The following CFAP54 variants were observed in gnomAD, a reference collection of about 807,000 sequenced individuals.
CFAP54 encodes the protein cilia- and flagella-associated protein 54.
Under a neutral mutation model 370.4 loss-of-function variants are expected in CFAP54, and 290 were observed. The ratio of observed to expected loss-of-function variants is 0.78; its 90% confidence interval spans 0.71 to 0.86. CFAP54 has a LOEUF of 0.86. Among genes scored for constraint, CFAP54 ranks in the 40% least tolerant of loss-of-function variants. The pLI is 0.00. For synonymous variants in CFAP54, 1,206 were observed against 1,236.5 expected, an observed-to-expected ratio of 0.98 and a Z score of 0.52; for missense variants, 3,399 against 3,528.7, an observed-to-expected ratio of 0.96 and a Z score of 0.93.
intron 28 of CFAP54, among the ~76,000 whole-genome samples, chr12:96,624,231 T>C (rs1277945695): frequency 2.0e-5 from 3 of 152,190 alleles, no homozygotes; most frequent in African/African-American, 7.2e-5. Flanking sequence ...TGTATGATAT[T>C]GAGTAGCATC....
At chr12:96,716,783 T>C (rs1309239163) in intron 48 of CFAP54, among the ~76,000 whole-genome samples, 1 of 152,218 alleles carries the variant, frequency 6.6e-6, no homozygotes, top group Non-Finnish European at 1.5e-5. Flanking sequence ...GGAATTCTTA[T>C]GTAATTGGAT....
In CFAP54 at chr12:96,685,234, G is replaced by T. The variant is rs767382826; in HGVS notation, c.6010G>T (p.Ala2004Ser). 1.9e-6 allele frequency: 3 copies of T among 1,613,656 alleles called. No homozygotes were observed. The highest frequency in any genetic ancestry group is 1.3e-5 in the African/African-American group (1 of 74,892). ...AGGAGCAGTCATATCAGCAAAGATA[G>T]CACAGTGAGTGTGAGGATGGAAGGA... Reference protein sequence around the residue: ...LQGAVISAKIAQFIKSLNVEK... With the variant: ...LQGAVISAKISQFIKSLNVEK... The change falls in exon 42 of 68, where the codon GCA (alanine) becomes TCA (serine). Residue 2004 changes from alanine to serine, a missense_variant. Ala to Ser is a moderately conservative substitution (Grantham distance 99). Transcript: ENST00000524981.
At chr12:96,761,524 G>T (rs866049131) in intron 58 of CFAP54, among the ~76,000 whole-genome samples, 22 of 151,416 alleles carry the variant, frequency 1.5e-4, no homozygotes, top group African/African-American at 2.7e-4. Context: ...AGATTGTGGG[G>T]TTTTTTTTGC....
intron 63 of CFAP54, among the ~76,000 whole-genome samples, chr12:96,806,921 T>G (rs1289818201): frequency 1.3e-5 from 2 of 152,142 alleles, no homozygotes; most frequent in East Asian, 1.9e-4. Flanking sequence ...GGAAGTTCAT[T>G]AGAAATGTAG....
intron 66 of CFAP54, among the ~76,000 whole-genome samples, chr12:96,847,148 AT>A (rs895929100): frequency 2.0e-4 from 30 of 152,276 alleles, no homozygotes; most frequent in South Asian, 8.3e-4. Context: ...ATGATAACCA[AT>A]TTATAAAGGA....
chr12:96,585,254 G>C (rs909757834), intron 22 of CFAP54, among the ~76,000 whole-genome samples: 17 of 152,132 alleles, frequency 1.1e-4, no homozygotes, highest in Non-Finnish European at 2.1e-4. Context: ...TCCACCTCCC[G>C]TGTTCAAGCC....
In CFAP54 at chr12:96,658,230, G is replaced by A. The variant is rs1320647503; in HGVS notation, c.5344G>A (p.Val1782Met). 6.2e-7 allele frequency: 1 copy of A among 1,613,852 alleles called. No homozygotes were observed. Among genetic ancestry groups the A allele is most frequent in the Non-Finnish European group, 8.5e-7 (1 of 1,179,944 alleles). The change falls in exon 38 of 68, where the codon GTG (valine) becomes ATG (methionine). Residue 1782 changes from valine (V) to methionine (M), a missense_variant. This residue lies in a region of CFAP54 where 2,796 missense variants were observed against 2,869.7 expected (regional missense o/e 0.97). Coordinates refer to ENST00000524981, the MANE Select transcript of CFAP54 (RefSeq NM_001306084.2). ...TVSHERYTEQ[V>M]TPLLVYAQRQ... ...GTCTAGTGAGAGGTATACAGAACAA[G>A]TGACACCACTTCTGGTGTATGCACA... is the stretch of plus-strand genomic sequence containing the variant.
chr12:96,648,017 G>A lies in CFAP54; in HGVS notation c.4690G>A (p.Asp1564Asn). Residue 1564 changes from aspartate (D) to asparagine (N), a missense_variant and splice_region_variant, in exon 34 of 68, where the codon GAT (aspartate) becomes AAT (asparagine). Transcript: ENST00000524981. ...AAAAAGAAAGGCCAACTTACCATCA[G>A]GTAAAATAAACATGTTAGTTTATTA... ...AKKRKANLPSDAEEFSTFINS... is the reference protein window; with the variant it reads ...AKKRKANLPSNAEEFSTFINS... 1 of 1,497,306 alleles carries A rather than the reference G, an allele frequency of 6.7e-7. No individual in the cohort carries two copies. 92.8% of individuals were successfully genotyped at this position (1,497,306 alleles called of 1,614,324 possible). A position where few individuals can be genotyped will look rare whatever the true frequency, so the allele number is the denominator to read the frequency against.
chr12:96,511,274 A>C (rs1592822378), intron 4 of CFAP54, among the ~76,000 whole-genome samples: 1 of 152,238 alleles, frequency 6.6e-6, no homozygotes, highest in Non-Finnish European at 1.5e-5. Context: ...TGTTCTAATC[A>C]AGTAATAGAT....
intron 1 of CFAP54, among the ~76,000 whole-genome samples, chr12:96,496,910 G>A (rs949872300): frequency 1.3e-5 from 2 of 152,166 alleles, no homozygotes; most frequent in African/African-American, 4.8e-5. Context: ...TGAAAATGCT[G>A]TTTGTTTTGT....
intron 22 of CFAP54, among the ~76,000 whole-genome samples, chr12:96,589,169 C>T (rs899639728): frequency 6.6e-6 from 1 of 152,174 alleles, no homozygotes. Flanking sequence ...GGATTTGAAA[C>T]ATCCTTACAG....
rs1958080460 is a variant in CFAP54 at position 96,743,818 on chromosome 12, T to A, written c.7465T>A (p.Leu2489Ile). 1 of 1,613,854 alleles carries A rather than the reference T, an allele frequency of 6.2e-7. No individual in the cohort carries two copies. The highest frequency in any genetic ancestry group is 1.1e-5 in the South Asian group (1 of 91,072). Residue 2489 changes from leucine (L) to isoleucine (I), a missense_variant, in exon 54 of 68, where the codon TTA becomes ATA. This residue lies in a region of CFAP54 where 2,796 missense variants were observed against 2,869.7 expected (regional missense o/e 0.97). Coordinates refer to ENST00000524981, the MANE Select transcript of CFAP54 (RefSeq NM_001306084.2). ...LARSLVLLDD[L>I]TKAEKFKESP... ...AAGAAGCCTAGTTTTGCTGGATGAC[T>A]TAACCAAAGCTGAGAAATTCAAGGA...
At chr12:96,787,406 T>A (rs1958640016) in intron 62 of CFAP54, among the ~76,000 whole-genome samples, 1 of 152,180 alleles carries the variant, frequency 6.6e-6, no homozygotes, top group African/African-American at 2.4e-5. Flanking sequence ...GTTATTAAAT[T>A]GGATACATTT....
chr12:96,844,074 A>T (rs552139030), intron 66 of CFAP54, among the ~76,000 whole-genome samples: 2 of 152,232 alleles, frequency 1.3e-5, no homozygotes, highest in Non-Finnish European at 2.9e-5. Context: ...TACAAATATT[A>T]TATTTTTATT....
intron 65 of CFAP54, among the ~76,000 whole-genome samples, chr12:96,823,949 T>G (rs1035501333): frequency 6.6e-6 from 1 of 151,812 alleles, no homozygotes; most frequent in Non-Finnish European, 1.5e-5. Flanking sequence ...ACTTAGGAAG[T>G]TTTTTCTCCC....
chr12:96,808,168 T>C (rs1958900088), intron 63 of CFAP54, among the ~76,000 whole-genome samples: 1 of 152,132 alleles, frequency 6.6e-6, no homozygotes, highest in African/African-American at 2.4e-5. Flanking sequence ...AACTATACAG[T>C]CTTCTCCATT....
At chr12:96,792,581 C>A in intron 63 of CFAP54, 82 bp downstream of exon 63, 1 of 1,059,880 alleles carries the variant, frequency 9.4e-7, no homozygotes, top group Admixed American at 2.8e-5. Flanking sequence ...GAGTAGAGGA[C>A]ATTCTCTTAT....
At chr12:96,641,580 A>G (rs111500229) in intron 32 of CFAP54, among the ~76,000 whole-genome samples, 22,281 of 152,118 alleles carry the variant, frequency 0.15, 2,120 homozygotes, top group East Asian at 0.44. Context: ...ATTACTGGGT[A>G]TATACCCAAA....
rs1399441141 is a variant in CFAP54, at chr12:96,580,993, C to T, written c.2963C>T (p.Ala988Val). 1.3e-6 allele frequency: 2 copies of T among 1,533,698 alleles called. No homozygotes were observed. The highest frequency in any genetic ancestry group is 2.5e-5 in the East Asian group (1 of 40,778). Residue 988 changes from alanine to valine, a missense_variant, in exon 22 of 68, where the codon GCT becomes GTT. By Grantham distance (64) the Ala-to-Val change is moderately conservative. This residue lies in a region of CFAP54 where 2,796 missense variants were observed against 2,869.7 expected (regional missense o/e 0.97). Transcript: ENST00000524981. ...AATGAAAAGTATGTATTTGCAGTTG[C>T]TGCCTATTCTAACAACGGAAAGCTT... ...ETNEKYVFAV[A>V]AYSNNGKLVG... is the part of the protein sequence containing the mutation.
Sources: allele counts gnomAD v4.1 joint callset (sites outside exome capture counted in the v4.1 genomes callset), GRCh38; gene constraint gnomAD v4.1.1; regional missense constraint gnomAD v4.1.1; transcripts MANE v1.5; gene names NCBI Gene and HGNC (gene_info 2026-07-23, HGNC 2026-07-21).